MXD1: variants seen among roughly 807,000 people sequenced by gnomAD.
The protein encoded by MXD1 is MAX dimerization protein 1, also known as MAX-binding protein.
In MXD1, 9 loss-of-function variants were observed where a neutral mutation model predicts 25.7. The ratio of observed to expected loss-of-function variants is 0.35; its 90% confidence interval spans 0.21 to 0.61. The LOEUF is 0.61. Among genes scored for constraint, MXD1 ranks in the 20% least tolerant of loss-of-function variants. The pLI is 0.75. For synonymous variants in MXD1, 99 were observed against 113.9 expected, an observed-to-expected ratio of 0.87 and a Z score of 0.83; for missense variants, 227 against 292.4, an observed-to-expected ratio of 0.78 and a Z score of 1.63.
intron 3 of MXD1, among the ~76,000 whole-genome samples, chr2:69,932,006 C>T (rs1460197520): frequency 1.3e-5 from 2 of 152,108 alleles, no homozygotes; most frequent in African/African-American, 4.8e-5. Flanking sequence ...ACTGAGGTGT[C>T]GGGTGGCTTC....
intron 5 of MXD1, 93 bp downstream of exon 5, chr2:69,937,487 A>G (rs974363475): frequency 1.6e-5 from 20 of 1,241,398 alleles, no homozygotes; most frequent in Admixed American, 2.7e-5. Context: ...GAGTGTAAGA[A>G]GAACTAAGAC....
intron 3 of MXD1, among the ~76,000 whole-genome samples, chr2:69,927,864 C>G (rs533811323): frequency 4.6e-5 from 7 of 152,224 alleles, no homozygotes; most frequent in Middle Eastern, 3.4e-3. Context: ...TCTTCAAAAC[C>G]TTTTAGGGTT....
intron 2 of MXD1, among the ~76,000 whole-genome samples, chr2:69,919,625 T>C (rs1271777947): frequency 1.3e-5 from 2 of 151,956 alleles, no homozygotes; most frequent in Non-Finnish European, 2.9e-5. Context: ...GATCCCACTA[T>C]GCCCATCTAC....
At chr2:69,935,138 A>G (rs988537854) in intron 3 of MXD1, among the ~76,000 whole-genome samples, 5 of 152,226 alleles carry the variant, frequency 3.3e-5, no homozygotes, top group Non-Finnish European at 7.3e-5. Flanking sequence ...TGTATTATCA[A>G]TAGACTTAGC....
chr2:69,924,643 CT>C (rs1677136034), intron 3 of MXD1, among the ~76,000 whole-genome samples: 1 of 152,072 alleles, frequency 6.6e-6, no homozygotes, highest in African/African-American at 2.4e-5. Flanking sequence ...TGCTAATATA[CT>C]TTAGCCATTT....
intron 3 of MXD1, among the ~76,000 whole-genome samples, chr2:69,934,874 A>G (rs545267880): frequency 6.6e-6 from 1 of 152,344 alleles, no homozygotes; most frequent in South Asian, 2.1e-4. Context: ...AATCTTTGCT[A>G]TTACAAATAA....
chr2:69,927,634 G>C (rs1303449001), intron 3 of MXD1, among the ~76,000 whole-genome samples: 3 of 152,182 alleles, frequency 2.0e-5, no homozygotes, highest in South Asian at 2.1e-4. Flanking sequence ...TAGTGGGATA[G>C]AGCCAACAGG....
chr2:69,940,065 CCTGTAATT>C lies in MXD1; in HGVS notation c.*1784_*1791del, dbSNP rs1677559443. On this transcript the variant is annotated 3_prime_UTR_variant, in exon 6 of 6. Coordinates refer to ENST00000264444, the MANE Select transcript of MXD1 (RefSeq NM_002357.4). ...GGATTCCTAAATGATTCCAAAGTCA[CCTGTAATT>C]CTTCTGTTTTTGTTTTGTTCTGTCT... The C allele has an allele frequency of 6.8e-6, 1 of 146,712 alleles. No individual in the cohort carries two copies. Among genetic ancestry groups the C allele is most frequent in the Non-Finnish European group, 1.5e-5 (1 of 66,758 alleles). The allele number at this position is 146,712 out of a possible 1,614,324, so 9.1% of individuals were successfully genotyped here. A position where few individuals can be genotyped will look rare whatever the true frequency, so the allele number is the denominator to read the frequency against.
At chr2:69,921,960 C>T (rs1300401174) in intron 3 of MXD1, among the ~76,000 whole-genome samples, 195 bp downstream of exon 3, 3 of 152,084 alleles carry the variant, frequency 2.0e-5, no homozygotes, top group Non-Finnish European at 2.9e-5. Context: ...AAGACCACAC[C>T]CCTAACCCTC....
intron 3 of MXD1, among the ~76,000 whole-genome samples, chr2:69,928,668 A>G (rs1254585343): frequency 3.3e-5 from 5 of 150,768 alleles, no homozygotes; most frequent in Non-Finnish European, 1.5e-5. Flanking sequence ...GGAATTCAAG[A>G]CCAGCCTGGG....
At chr2:69,928,111 TCTATA>T (rs1210743754) in intron 3 of MXD1, among the ~76,000 whole-genome samples, 1 of 152,198 alleles carries the variant, frequency 6.6e-6, no homozygotes, top group Non-Finnish European at 1.5e-5. Flanking sequence ...TCCTTCTTAC[TCTATA>T]CTAAATACCT....
chr2:69,933,141 A>G (rs1396711732), intron 3 of MXD1, among the ~76,000 whole-genome samples: 1 of 141,628 alleles, frequency 7.1e-6, no homozygotes, highest in East Asian at 2.2e-4. Context: ...AGAGGTTGCC[A>G]TGAGCTGAGA....
intron 2 of MXD1, among the ~76,000 whole-genome samples, chr2:69,916,794 A>C (rs1385395046): frequency 6.6e-6 from 1 of 152,224 alleles, no homozygotes; most frequent in African/African-American, 2.4e-5. Context: ...AGGAATATAT[A>C]ATACCAAAAT....
In MXD1 at chr2:69,916,472, C is replaced by T. The variant is rs576900237; in HGVS notation, c.173+252C>T. The T allele has an allele frequency of 2.2e-4, 62 of 284,708 alleles. 2 individuals are homozygous for T. The South Asian group carries it at 3.1e-3, about 14-fold the overall frequency. The allele number at this position is 284,708 out of a possible 1,614,324, so 17.6% of individuals were successfully genotyped here. On this transcript the variant is annotated intron_variant, in intron 2 of 5. Coordinates refer to ENST00000264444, the MANE Select transcript of MXD1 (RefSeq NM_002357.4). The stretch of plus-strand genomic sequence containing the variant: ...TTCAAAATTTAATTTCACTTTTCTT[C>T]CCTTTTGGAACAAAAAAATCTGTGG...
At chr2:69,922,473 A>G (rs1677085419) in intron 3 of MXD1, among the ~76,000 whole-genome samples, 1 of 152,232 alleles carries the variant, frequency 6.6e-6, no homozygotes, top group Non-Finnish European at 1.5e-5. Context: ...GTATTTTTAA[A>G]CATATTTTTA....
At chr2:69,935,953 G>A (rs1034798351) in intron 4 of MXD1, among the ~76,000 whole-genome samples, 1 of 152,014 alleles carries the variant, frequency 6.6e-6, no homozygotes, top group Non-Finnish European at 1.5e-5. Flanking sequence ...CTGTCACCTG[G>A]TCTGCCCCAG....
chr2:69,922,814 A>C (rs1573401835), intron 3 of MXD1, among the ~76,000 whole-genome samples: 2 of 146,326 alleles, frequency 1.4e-5, no homozygotes, highest in Admixed American at 7.0e-5. Flanking sequence ...CTAGAGGCGG[A>C]GGTTGCGGTG....
intron 3 of MXD1, among the ~76,000 whole-genome samples, chr2:69,923,628 A>G (rs966205564): frequency 6.6e-6 from 1 of 152,008 alleles, no homozygotes; most frequent in East Asian, 1.9e-4. Context: ...CACTGCATAT[A>G]TGCTTCTGCT....
In MXD1 at chr2:69,931,429, G is replaced by A. The variant is rs147983515; in HGVS notation, c.204-3922G>A. 3.9e-3 allele frequency among the ~76,000 whole-genome samples: 595 copies of A among 152,122 alleles called. 12 individuals are homozygous for A. In the South Asian group the frequency reaches 0.072, roughly 18 times the overall value. ...CAAAAAATAAGTGAGAATATGCAAC[G>A]TTTGTCTTTCTGTGCCTGGCTTATT... On this transcript the variant is annotated intron_variant, in intron 3 of 5. Coordinates refer to ENST00000264444, the MANE Select transcript of MXD1 (RefSeq NM_002357.4).
Sources: allele counts gnomAD v4.1 joint callset (sites outside exome capture counted in the v4.1 genomes callset), GRCh38; gene constraint gnomAD v4.1.1; transcripts MANE v1.5; gene names NCBI Gene and HGNC (gene_info 2026-07-23, HGNC 2026-07-21).